ANKFN1: variants seen among roughly 807,000 people sequenced by gnomAD.
The protein encoded by ANKFN1 is ankyrin repeat and fibronectin type-III domain-containing protein 1.
ANKFN1 carries 74 observed loss-of-function variants against 108.7 expected under a neutral mutation model. The observed-to-expected ratio is 0.68, with a 90% CI of 0.56 to 0.83. The LOEUF (loss-of-function observed/expected upper bound fraction) is 0.83, where lower values mean the gene tolerates loss of function less well. ANKFN1 is among the 40% of genes least tolerant of loss of function. The pLI is 0.00. For synonymous variants in ANKFN1, 547 were observed against 516.2 expected (o/e 1.06, Z -0.81); for missense variants, 1,505 against 1,382.3 (o/e 1.09, Z -1.41).
At chr17:56,252,348 A>C (rs2043253848) in intron 3 of ANKFN1, 1 of 152,262 alleles carries the variant, frequency 6.6e-6, no homozygotes, top group Non-Finnish European at 1.5e-5. Flanking sequence ...TGAGGGCATA[A>C]AATCTGCAAC....
At chr17:56,167,097 A>T (rs1910187459) in intron 1 of ANKFN1, among the ~76,000 whole-genome samples, 1 of 151,840 alleles carries the variant, frequency 6.6e-6, no homozygotes. Context: ...ATTTACTAAG[A>T]TCTACCTCAT....
chr17:56,186,883 T>C (rs1912262044), intron 1 of ANKFN1, among the ~76,000 whole-genome samples: 1 of 152,206 alleles, frequency 6.6e-6, no homozygotes, highest in Admixed American at 6.5e-5. Flanking sequence ...GCTAGCCATA[T>C]GTAGAAAGCT....
rs887571333 is a variant in ANKFN1 at position 56,208,898 on chromosome 17, T to A, written c.-70-3700T>A. ...TTATTTTATTATTATTATTATTTTT[T>A]TTTAAGACAGAGTCTCGCTCTGTCA... On this transcript the variant is annotated intron_variant, in intron 1 of 20. Coordinates refer to ENST00000682825, the MANE Select transcript of ANKFN1 (RefSeq NM_001370326.1). Among the ~76,000 whole-genome samples, 5 of 151,938 alleles carry A rather than the reference T, an allele frequency of 3.3e-5. No homozygotes were observed. The South Asian group carries it at 6.2e-4, about 19-fold the overall frequency.
chr17:56,381,551 G>A lies in ANKFN1; in HGVS notation c.910+6837G>A, dbSNP rs529130311. Among the ~76,000 whole-genome samples the A allele has an allele frequency of 5.9e-5, 9 of 152,304 alleles. No homozygotes were observed. The South Asian group carries it at 1.7e-3, about 28-fold the overall frequency. On this transcript the variant is annotated intron_variant, in intron 8 of 20. Transcript: ENST00000682825. ...TGAAAACTTTGAAAAAAATTTAGATGAATGTATAACTAGAATAACCAATAC... is the reference window on the plus strand; with the variant it reads ...TGAAAACTTTGAAAAAAATTTAGATAAATGTATAACTAGAATAACCAATAC...
At chr17:56,204,805 G>A (rs993730217) in intron 1 of ANKFN1, among the ~76,000 whole-genome samples, 2 of 152,100 alleles carry the variant, frequency 1.3e-5, no homozygotes, top group African/African-American at 4.8e-5. Context: ...GCTGGGCGCG[G>A]TGGCTCACGC....
At chr17:56,239,260 G>A (rs1158562645) in intron 3 of ANKFN1, among the ~76,000 whole-genome samples, 1 of 152,136 alleles carries the variant, frequency 6.6e-6, no homozygotes, top group East Asian at 1.9e-4. Flanking sequence ...AATGGAGAGA[G>A]GTTGGTTAAT....
intron 4 of ANKFN1, among the ~76,000 whole-genome samples, chr17:56,090,332 C>T (rs949051905): frequency 6.6e-6 from 1 of 151,232 alleles, no homozygotes; most frequent in Non-Finnish European, 1.5e-5. Context: ...AGCAGTATGT[C>T]ACCTGAAAGG....
intron 1 of ANKFN1, among the ~76,000 whole-genome samples, chr17:56,200,807 C>T (rs1322130769): frequency 6.6e-6 from 1 of 152,216 alleles, no homozygotes; most frequent in Admixed American, 6.5e-5. Context: ...CTTGATTCCT[C>T]TTTGATGAAG....
intron 8 of ANKFN1, among the ~76,000 whole-genome samples, chr17:56,416,119 C>A (rs1037220908): frequency 3.9e-5 from 6 of 152,122 alleles, no homozygotes; most frequent in Admixed American, 1.3e-4. Flanking sequence ...TACAAGATAA[C>A]ACTGGAGGAA....
chr17:56,081,433 A>T (rs1449778358), intron 4 of ANKFN1, among the ~76,000 whole-genome samples: 3 of 151,862 alleles, frequency 2.0e-5, no homozygotes, highest in Non-Finnish European at 2.9e-5. Flanking sequence ...GCTCACTGCA[A>T]CCTCCACCTC....
chr17:56,139,379 G>T (rs967351552), intron 4 of ANKFN1, among the ~76,000 whole-genome samples: 13 of 152,278 alleles, frequency 8.5e-5, no homozygotes, highest in Middle Eastern at 6.8e-3. Context: ...AGTATCTCAA[G>T]TGGATTCACA....
At chr17:56,211,830 T>A (rs1270210095) in intron 1 of ANKFN1, among the ~76,000 whole-genome samples, 1 of 152,196 alleles carries the variant, frequency 6.6e-6, no homozygotes, top group Non-Finnish European at 1.5e-5. Flanking sequence ...CTTGGTTAAG[T>A]AAATTCTAAG....
intron 8 of ANKFN1, among the ~76,000 whole-genome samples, chr17:56,380,981 T>G (rs111925748): frequency 2.4e-4 from 37 of 152,296 alleles, no homozygotes; most frequent in African/African-American, 8.4e-4. Context: ...GCAGACTGCC[T>G]CCTCAAGTGG....
chr17:56,064,685 C>A (rs916237635), intron 4 of ANKFN1, among the ~76,000 whole-genome samples: 2 of 152,250 alleles, frequency 1.3e-5, no homozygotes, highest in African/African-American at 4.8e-5. Flanking sequence ...CAAGTACTGG[C>A]TGCTGCCTCT....
At chr17:56,128,370 T>G (rs1343403691) in intron 4 of ANKFN1, among the ~76,000 whole-genome samples, 1 of 152,108 alleles carries the variant, frequency 6.6e-6, no homozygotes, top group East Asian at 1.9e-4. Context: ...AATCCTGAAG[T>G]GGGTGAAAGA....
At position 56,492,329 on chromosome 17, in the gene ANKFN1, C is replaced by T; in HGVS notation, c.2403C>T (p.His801=). ...DSEVAAAKQR[H]QQVLDFIQQI... is the part of the protein sequence containing the mutation. ...AGGTTGCAGCTGCCAAACAAAGACA[C>T]CAGCAAGTTTTAGATTTCATTCAGG... Residue 801 remains histidine (H), a synonymous_variant, in exon 19 of 21, where the codon CAC becomes CAT. Transcript: ENST00000682825. The T allele has an allele frequency of 1.4e-6, 1 of 702,232 alleles. No individual in the cohort carries two copies. The highest frequency in any genetic ancestry group is 1.5e-5 in the South Asian group (1 of 67,550). The allele number at this position is 702,232 out of a possible 1,614,324, so 43.5% of individuals were successfully genotyped here.
chr17:56,383,417 G>C (rs2047165256), intron 8 of ANKFN1, among the ~76,000 whole-genome samples: 1 of 152,086 alleles, frequency 6.6e-6, no homozygotes, highest in African/African-American at 2.4e-5. Flanking sequence ...ACAATTAAAA[G>C]AACTAGAAAA....
intron 1 of ANKFN1, among the ~76,000 whole-genome samples, chr17:56,156,076 C>T (rs1403437009): frequency 5.1e-5 from 7 of 136,510 alleles, no homozygotes; most frequent in African/African-American, 1.9e-4. Context: ...CTCTCTCACT[C>T]TTTTTTTTTT....
intron 7 of ANKFN1, among the ~76,000 whole-genome samples, chr17:56,374,061 AC>A (rs2046881763): frequency 6.6e-6 from 1 of 152,178 alleles, no homozygotes; most frequent in South Asian, 2.1e-4. Context: ...TTCTATCAAT[AC>A]TGGAAAGAGC....
Sources: gnomAD v4.1 joint callset for allele counts (sites outside exome capture counted in the v4.1 genomes callset) on GRCh38, gnomAD v4.1.1 for gene constraint, MANE v1.5 for transcripts, NCBI Gene and HGNC (gene_info 2026-07-23, HGNC 2026-07-21) for gene names.